The following WASF2 variants were observed in gnomAD, a reference collection of about 807,000 sequenced individuals.
WASF2 encodes the protein WASP family member 2, also known as actin-binding protein WASF2.
In WASF2, 14 loss-of-function variants were observed where a neutral mutation model predicts 45.0. The ratio of observed to expected loss-of-function variants is 0.31; its 90% confidence interval spans 0.21 to 0.49. WASF2 has a LOEUF of 0.49. Ranked by LOEUF, WASF2 falls within the 20% of genes least tolerant of loss-of-function variation. The pLI is 0.99. For synonymous variants in WASF2, 200 were observed against 236.3 expected, an observed-to-expected ratio of 0.85 and a Z score of 1.41; for missense variants, 439 against 636.1, an observed-to-expected ratio of 0.69 and a Z score of 3.33.
At chr1:27,457,297 C>T (rs1157259888) in intron 1 of WASF2, 3 of 151,964 alleles carry the variant, frequency 2.0e-5, no homozygotes, top group Non-Finnish European at 1.5e-5. Flanking sequence ...TTAGTAGGGT[C>T]GGGAGCAGTG....
chr1:27,458,333 AAG>A (rs1263565538), intron 1 of WASF2, among the ~76,000 whole-genome samples: 1 of 148,958 alleles, frequency 6.7e-6, no homozygotes, highest in Non-Finnish European at 1.5e-5. Context: ...AAAAAAAAAA[AAG>A]GCCTTGTTGA....
intron 1 of WASF2, among the ~76,000 whole-genome samples, chr1:27,449,329 AGC>A (rs2017351216): frequency 6.6e-6 from 1 of 152,158 alleles, no homozygotes; most frequent in Admixed American, 6.5e-5. Context: ...CAGGTGCGGT[AGC>A]TCACGCCTAT....
chr1:27,450,520 G>A (rs2017370462), intron 1 of WASF2, among the ~76,000 whole-genome samples: 1 of 151,638 alleles, frequency 6.6e-6, no homozygotes, highest in South Asian at 2.1e-4. Context: ...TTTTTTTTGA[G>A]ACAGAGTTTC....
At chr1:27,418,520 G>T in intron 3 of WASF2, 98 bp from the exon 4 acceptor site, 1 of 1,516,756 alleles carries the variant, frequency 6.6e-7, no homozygotes, top group South Asian at 1.2e-5. Flanking sequence ...TGCACTTCTT[G>T]GCTGTGGCTG....
chr1:27,413,910 T>TTCA (rs2016796064), intron 6 of WASF2, among the ~76,000 whole-genome samples: 1 of 152,218 alleles, frequency 6.6e-6, no homozygotes, highest in Admixed American at 6.5e-5. Context: ...TTTCACCATC[T>TTCA]TCATCACTCT....
At chr1:27,478,654 C>A (rs2017804283) in intron 1 of WASF2, among the ~76,000 whole-genome samples, 1 of 152,100 alleles carries the variant, frequency 6.6e-6, no homozygotes, top group South Asian at 2.1e-4. Context: ...GTGATCTCGG[C>A]TCACTGCAAA....
Position 27,410,326 on chromosome 1 carries a change from TAAACAG to T in WASF2, c.825-126_825-121del. 1 of 1,473,498 alleles carries T rather than the reference TAAACAG, an allele frequency of 6.8e-7. No individual in the cohort carries two copies. Among genetic ancestry groups the T allele is most frequent in the Non-Finnish European group, 9.0e-7 (1 of 1,108,854 alleles). The allele number at this position is 1,473,498 out of a possible 1,614,324, so 91.3% of individuals were successfully genotyped here. A position where few individuals can be genotyped will look rare whatever the true frequency, so the allele number is the denominator to read the frequency against. ...TTGACTATACCATTTCACTTTCACT[TAAACAG>T]AAAGAAAAGCCTACAGATGGTCATA... On this transcript the variant is annotated intron_variant, in intron 7 of 8. Transcript: ENST00000618852. The surrounding 1 kb of genome is among the most constrained non-coding windows in gnomAD (Gnocchi z 4.2).
chr1:27,472,670 AAAAAG>A (rs1216694516), intron 1 of WASF2, among the ~76,000 whole-genome samples: 5 of 145,360 alleles, frequency 3.4e-5, no homozygotes, highest in Non-Finnish European at 6.1e-5. Flanking sequence ...AAAAAAAAAA[AAAAAG>A]GGGAAATCAG....
chr1:27,478,076 A>AC (rs1177723048), intron 1 of WASF2, among the ~76,000 whole-genome samples: 3 of 149,038 alleles, frequency 2.0e-5, no homozygotes, highest in Non-Finnish European at 4.5e-5. Context: ...ACATGGTGAA[A>AC]CCCCCGTCTC....
intron 4 of WASF2, 53 bp from the exon 5 acceptor site, chr1:27,416,155 C>A: frequency 6.8e-7 from 1 of 1,476,670 alleles, no homozygotes; most frequent in Non-Finnish European, 9.5e-7. Context: ...AGCTCCCAAC[C>A]AAATCCAATA....
In WASF2 at chr1:27,404,449, A is replaced by C. The variant is rs180683677; in HGVS notation, c.*3740T>G. 1 of 152,258 alleles carries C rather than the reference A, an allele frequency of 6.6e-6. No homozygotes were observed. The highest frequency in any genetic ancestry group is 1.5e-5 in the Non-Finnish European group (1 of 68,020). 9.4% of individuals were successfully genotyped at this position (152,258 alleles called of 1,614,324 possible). On this transcript the variant is annotated 3_prime_UTR_variant, in exon 9 of 9. Transcript: ENST00000618852. ...TGAGAAGAATAGGGCAGAAGAGGAA[A>C]GGGTCACTTTAGGGGTCTGGCTTAA... is the stretch of plus-strand genomic sequence containing the variant.
chr1:27,437,074 C>T (rs2017147806), intron 1 of WASF2, among the ~76,000 whole-genome samples: 1 of 152,178 alleles, frequency 6.6e-6, no homozygotes, highest in South Asian at 2.1e-4. Flanking sequence ...TTCATTCACA[C>T]CTGGTAATTC....
intron 1 of WASF2, among the ~76,000 whole-genome samples, chr1:27,439,958 G>A (rs1487632236): frequency 6.6e-6 from 1 of 152,128 alleles, no homozygotes; most frequent in Non-Finnish European, 1.5e-5. Flanking sequence ...CAAGATCCAT[G>A]CCACTGCCCT....
At chr1:27,476,675 A>G (rs750046390) in intron 1 of WASF2, among the ~76,000 whole-genome samples, 1 of 152,254 alleles carries the variant, frequency 6.6e-6, no homozygotes, top group Non-Finnish European at 1.5e-5. Context: ...AAAAACAGAA[A>G]TAAGAGAGTT....
intron 1 of WASF2, among the ~76,000 whole-genome samples, chr1:27,450,996 G>A (rs2474304): frequency 0.85 from 129,155 of 151,582 alleles, 55,531 homozygotes; most frequent in Admixed American, 0.92. Flanking sequence ...GGATCACTTG[G>A]GCCCAGGAAT....
chr1:27,463,622 CAAAAAA>C, intron 1 of WASF2, among the ~76,000 whole-genome samples: 1 of 41,868 alleles, frequency 2.4e-5, no homozygotes, highest in African/African-American at 9.3e-5. Flanking sequence ...GACTCTGTCT[CAAAAAA>C]AAAAAAAAAA....
intron 1 of WASF2, among the ~76,000 whole-genome samples, chr1:27,438,663 A>T (rs2017169034): frequency 6.6e-6 from 1 of 152,240 alleles, no homozygotes; most frequent in Non-Finnish European, 1.5e-5. Context: ...GTGGTCATGG[A>T]GCAGGTGGGC....
At chr1:27,447,289 C>T (rs2017323672) in intron 1 of WASF2, among the ~76,000 whole-genome samples, 1 of 152,162 alleles carries the variant, frequency 6.6e-6, no homozygotes, top group South Asian at 2.1e-4. Context: ...CATGTTTGTA[C>T]AGCAGTTTCC....
At chr1:27,458,792 C>CA (rs2017507485) in intron 1 of WASF2, among the ~76,000 whole-genome samples, 2 of 149,094 alleles carry the variant, frequency 1.3e-5, no homozygotes, top group South Asian at 2.1e-4. Flanking sequence ...GATTCTGCCT[C>CA]AAAAAAAATA....
Sources: gnomAD v4.1 joint callset for allele counts (sites outside exome capture counted in the v4.1 genomes callset) on GRCh38, gnomAD v4.1.1 for gene constraint, Gnocchi (gnomAD v3.1) non-coding constraint, MANE v1.5 for transcripts, NCBI Gene and HGNC (gene_info 2026-07-23, HGNC 2026-07-21) for gene names.